KYAT3: variants seen among roughly 807,000 people sequenced by gnomAD.
The protein encoded by KYAT3 is kynurenine--oxoglutarate transaminase 3.
Under a neutral mutation model 59.0 loss-of-function variants are expected in KYAT3, and 50 were observed. The ratio of observed to expected loss-of-function variants is 0.85; its 90% CI spans 0.68 to 1.07. The LOEUF (loss-of-function observed/expected upper bound fraction) is 1.07. KYAT3 is among the 50% of genes least tolerant of loss of function. KYAT3 has a pLI of 0.00. For missense variants in KYAT3, 497 were observed against 533.3 expected (o/e 0.93, Z 0.67); for synonymous variants, 148 against 177.0 (o/e 0.84, Z 1.30).
At chr1:88,962,989 T>TC (rs59411220) in intron 5 of KYAT3, among the ~76,000 whole-genome samples, 12 of 105,440 alleles carry the variant, frequency 1.1e-4, no homozygotes, top group Non-Finnish European at 2.1e-4. Context: ...CCTCTCTCTC[T>TC]TTTTTTTTTT....
intron 11 of KYAT3, among the ~76,000 whole-genome samples, chr1:88,944,937 C>G (rs61766124): frequency 0.038 from 5,798 of 152,124 alleles, 319 homozygotes; most frequent in African/African-American, 0.12. Context: ...TCCACTTCCC[C>G]GGTTCAAGCA....
chr1:88,954,139 C>G (rs1013709159), intron 9 of KYAT3, among the ~76,000 whole-genome samples: 2 of 152,082 alleles, frequency 1.3e-5, no homozygotes, highest in African/African-American at 2.4e-5. Context: ...CTGAGGTGAT[C>G]TACCCGCCTC....
chr1:88,976,420 T>G (rs570179159), intron 2 of KYAT3, among the ~76,000 whole-genome samples: 2 of 152,148 alleles, frequency 1.3e-5, no homozygotes, highest in South Asian at 4.1e-4. Flanking sequence ...CATTGTGGCA[T>G]GATGCATTAG....
chr1:88,938,832 G>C (rs1158113024), intron 13 of KYAT3, among the ~76,000 whole-genome samples: 2 of 152,134 alleles, frequency 1.3e-5, no homozygotes, highest in Non-Finnish European at 2.9e-5. Context: ...ATTTATTCAA[G>C]CAGCCCCCAC....
At chr1:88,971,431 C>A (rs1284438835) in intron 2 of KYAT3, among the ~76,000 whole-genome samples, 1 of 152,016 alleles carries the variant, frequency 6.6e-6, no homozygotes, top group Non-Finnish European at 1.5e-5. Context: ...CTTTCCTATG[C>A]CCAAATGCTC....
chr1:88,944,988 T>G (rs975024790), intron 11 of KYAT3, among the ~76,000 whole-genome samples: 1 of 152,020 alleles, frequency 6.6e-6, no homozygotes, highest in African/African-American at 2.4e-5. Flanking sequence ...GGATTACAGG[T>G]ATGCGCCACC....
intron 5 of KYAT3, chr1:88,964,573 C>T (rs1676266723): frequency 2.6e-6 from 1 of 389,478 alleles, no homozygotes; most frequent in Non-Finnish European, 4.8e-6. Flanking sequence ...AGAATATAGA[C>T]TCTGAAGAGG....
At chr1:88,948,817 T>A (rs1675549802) in intron 11 of KYAT3, among the ~76,000 whole-genome samples, 1 of 152,248 alleles carries the variant, frequency 6.6e-6, no homozygotes, top group South Asian at 2.1e-4. Flanking sequence ...ACTTGTGTTT[T>A]AAAATTACAC....
chr1:88,976,329 C>T (rs1024361715), intron 2 of KYAT3, among the ~76,000 whole-genome samples: 1 of 151,918 alleles, frequency 6.6e-6, no homozygotes, highest in African/African-American at 2.4e-5. Flanking sequence ...TGCACCCCAG[C>T]CTGGGTAACA....
chr1:88,961,237 A>AT lies in KYAT3; in HGVS notation c.716dup (p.Tyr239Ter). The AT allele has an allele frequency of 6.2e-7, 1 of 1,613,610 alleles. No homozygotes were observed. The highest frequency in any genetic ancestry group is 2.2e-5 in the East Asian group (1 of 44,818). The change falls in exon 8 of 14, where the codon TAT (tyrosine) becomes TAAT (stop). Residue 239 changes from tyrosine to a stop codon, truncating the protein, a stop_gained and frameshift_variant. Transcript: ENST00000260508. LOFTEE classifies it high-confidence loss of function. ...CCTCATCGCTGATGCAGAGTGTGTC[A>AT]TATTTGATGCAAAGGTCAGCAATTA... ...LQVIADLCIKYDTLCISDEVY... is the reference protein window; with the variant it reads ...LQVIADLCIK
In KYAT3 at chr1:88,943,454, T is replaced by C. The variant is rs117370742; in HGVS notation, c.1142-31A>G. On this transcript the variant is annotated intron_variant, in intron 11 of 13. Transcript: ENST00000260508. ...ACCACAATGAAAATTAGGTGGCCTA[T>C]GAATTTCATCTGATGCAACATGTAT... The C allele has an allele frequency of 2.0e-3, 2,295 of 1,139,042 alleles. 57 individuals are homozygous for C. In the East Asian group the frequency reaches 0.045, roughly 22 times the overall value. 70.6% of individuals were successfully genotyped at this position (1,139,042 alleles called of 1,614,324 possible).
chr1:88,959,295 A>G (rs1368772215), intron 8 of KYAT3, among the ~76,000 whole-genome samples: 1 of 150,538 alleles, frequency 6.6e-6, no homozygotes, highest in Non-Finnish European at 1.5e-5. Flanking sequence ...AAAAAAAATT[A>G]AGGCTGGGCA....
downstream of KYAT3, among the ~76,000 whole-genome samples, chr1:88,931,649 C>T (rs1674909745): frequency 6.6e-6 from 1 of 152,066 alleles, no homozygotes; most frequent in South Asian, 2.1e-4. Context: ...CCACGTCCAC[C>T]TTTAAACACG....
Position 88,968,674 on chromosome 1 carries a change from C to T in KYAT3, c.299G>A (p.Gly100Asp). 1.3e-6 allele frequency: 2 copies of T among 1,563,942 alleles called. No homozygotes were observed. The highest frequency in any genetic ancestry group is 1.7e-6 in the Non-Finnish European group (2 of 1,164,014). The change falls in exon 4 of 14, where the codon GGC becomes GAC. Residue 100 changes from glycine to aspartate, a missense_variant. Gly to Asp is a moderately conservative substitution (Grantham distance 94). Coordinates refer to ENST00000260508, the MANE Select transcript of KYAT3 (RefSeq NM_001008661.3). ...ATATGGTCTTGATATACTTACAAAG[C>T]CTCGTGTATACTGATTCAGGCTATC... ...AIDSLNQYTR[G>D]FGHPSLVKAL...
the KYAT3 span, among the ~76,000 whole-genome samples, chr1:88,925,639 G>C: frequency 6.6e-6 from 1 of 151,710 alleles, no homozygotes; most frequent in Admixed American, 6.6e-5. Context: ...AGAAGAGAAA[G>C]AGTGACAGAG....
At chr1:88,965,335 G>GA (rs1421713636) in intron 4 of KYAT3, among the ~76,000 whole-genome samples, 1 of 152,060 alleles carries the variant, frequency 6.6e-6, no homozygotes, top group Non-Finnish European at 1.5e-5. Context: ...TAAAATAAGT[G>GA]AAAAAAACCC....
At position 88,936,022 on chromosome 1, in the gene KYAT3, G is replaced by A. The variant is rs763204789; in HGVS notation, c.*161C>T. 6 of 517,058 alleles carry A rather than the reference G, an allele frequency of 1.2e-5. No individual in the cohort carries two copies. The highest frequency in any genetic ancestry group is 3.8e-5 in the African/African-American group (2 of 53,290). The allele number at this position is 517,058 out of a possible 1,614,324, so 32.0% of individuals were successfully genotyped here. A position where few individuals can be genotyped will look rare whatever the true frequency, so the allele number is the denominator to read the frequency against. ...CTGGAAAAAAAAGGTCAGATCCCCCGAAAATGTTGTTAGGAGTTGGGTTAA... is the reference window on the plus strand; with the variant it reads ...CTGGAAAAAAAAGGTCAGATCCCCCAAAAATGTTGTTAGGAGTTGGGTTAA... On this transcript the variant is annotated 3_prime_UTR_variant, in exon 14 of 14. Transcript: ENST00000260508.
Position 88,949,124 on chromosome 1 carries a change from C to T in KYAT3, c.1108G>A (p.Gly370Arg), listed in dbSNP as rs1402790845. The part of the protein sequence containing the change: ...VGLKPIVPDG[G>R]YFIIADVSLL... Reference sequence around the variant, plus strand: ...GACACATCAGCGATGATGAAGTATCCTCCATCAGGAACTATGGGTTTTAGG... The same window carrying T: ...GACACATCAGCGATGATGAAGTATCTTCCATCAGGAACTATGGGTTTTAGG... The change falls in exon 11 of 14, where the codon GGA becomes AGA. Residue 370 changes from glycine to arginine, a missense_variant. Around this residue, in one of 2 missense-constraint regions of KYAT3, gnomAD observed 469 missense variants for 479.1 expected, o/e 0.98. Transcript: ENST00000260508. 1 of 1,602,192 alleles carries T rather than the reference C, an allele frequency of 6.2e-7. No individual in the cohort carries two copies. Among genetic ancestry groups the T allele is most frequent in the African/African-American group, 1.3e-5 (1 of 74,172 alleles).
chr1:88,984,502 G>A (rs1022872267), intron 2 of KYAT3, among the ~76,000 whole-genome samples: 5 of 152,160 alleles, frequency 3.3e-5, no homozygotes, highest in African/African-American at 1.2e-4. Context: ...GAGCTACCAC[G>A]GCTGGCCTTA....
Sources: gnomAD v4.1 joint callset for allele counts (sites outside exome capture counted in the v4.1 genomes callset) on GRCh38, gnomAD v4.1.1 for gene constraint, gnomAD v4.1.1 regional missense constraint, MANE v1.5 for transcripts, NCBI Gene and HGNC (gene_info 2026-07-23, HGNC 2026-07-21) for gene names.